AGAP1: variants seen among roughly 807,000 people sequenced by gnomAD.
The protein encoded by AGAP1 is arf-GAP with GTPase, ANK repeat and PH domain-containing protein 1.
A neutral mutation model predicts 105.3 loss-of-function variants in AGAP1; 29 were observed. That is an observed-to-expected ratio of 0.28 (90% confidence interval 0.21 to 0.38). AGAP1 has a LOEUF of 0.38. Among genes scored for constraint, AGAP1 ranks in the 10% least tolerant of loss-of-function variants. AGAP1 has a pLI of 1.00. For missense variants in AGAP1, 998 were observed against 1,165.1 expected (o/e 0.86, Z 2.09); for synonymous variants, 509 against 485.9 (o/e 1.05, Z -0.63).
chr2:235,644,941 A>C (rs1179207847), intron 1 of AGAP1, among the ~76,000 whole-genome samples: 1 of 151,390 alleles, frequency 6.6e-6, no homozygotes, highest in Non-Finnish European at 1.5e-5. Context: ...TGTCACCCAG[A>C]CTGGAGTGCA....
chr2:235,931,311 A>G lies in AGAP1; in HGVS notation c.1483+388A>G, dbSNP rs2052710377. Among the ~76,000 whole-genome samples the G allele has an allele frequency of 6.6e-6, 1 of 152,124 alleles. No homozygotes were observed. The highest frequency in any genetic ancestry group is 2.1e-4 in the South Asian group (1 of 4,824). The stretch of plus-strand genomic sequence containing the variant: ...GTGGCGTGGCCCACACTCTTCCACC[A>G]CTAGTGCACATTTTATATCATTAGG... On this transcript the variant is annotated intron_variant, in intron 12 of 17. Transcript: ENST00000304032. This position sits in a 1 kb window ranked among gnomAD's most constrained non-coding sequence, Gnocchi z 5.6.
At chr2:235,950,886 A>C (rs1178576560) in intron 12 of AGAP1, among the ~76,000 whole-genome samples, 5 of 111,704 alleles carry the variant, frequency 4.5e-5, no homozygotes, top group East Asian at 3.0e-4. Flanking sequence ...ATCTCCAAGC[A>C]CTTTTTTTTT....
In AGAP1 at chr2:236,116,487, T is replaced by G. The variant is rs567490339; in HGVS notation, c.2115-3705T>G. Among the ~76,000 whole-genome samples the G allele has an allele frequency of 3.2e-3, 491 of 151,956 alleles. 4 individuals are homozygous for G. The highest frequency in any genetic ancestry group is 0.01 in the African/African-American group (431 of 41,458). On this transcript the variant is annotated intron_variant, in intron 16 of 17. Coordinates refer to ENST00000304032, the MANE Select transcript of AGAP1 (RefSeq NM_001037131.3). ...GCATCAGCCTCCTGAGTAGCTGGGA[T>G]TACAGGCACCTGCCACCACACCGGC...
rs1040179477 is a variant in AGAP1, at chr2:235,660,468, G to A, written c.164-48711G>A. On this transcript the variant is annotated intron_variant, in intron 1 of 17. Transcript: ENST00000304032. The surrounding 1 kb of genome is among the most constrained non-coding windows in gnomAD (Gnocchi z 5.3). Reference sequence around the variant, plus strand: ...AGAAGTTGTCCTTAACTGAAGGAGGGGGTTCTATAAATGGAAGTGTCAGAG... The same window carrying A: ...AGAAGTTGTCCTTAACTGAAGGAGGAGGTTCTATAAATGGAAGTGTCAGAG... 2.0e-5 allele frequency among the ~76,000 whole-genome samples: 3 copies of A among 152,122 alleles called. No homozygotes were observed. The highest frequency in any genetic ancestry group is 7.2e-5 in the African/African-American group (3 of 41,418).
At position 236,061,714 on chromosome 2, in the gene AGAP1, T is replaced by A. The variant is rs1467359917; in HGVS notation, c.2114+12433T>A. ...TGCAGGGGAGGGAGGGGCAGTGGCG[T>A]ATACGGAGTGATTGCCTAATGAGTA... On this transcript the variant is annotated intron_variant, in intron 16 of 17. Transcript: ENST00000304032. The surrounding 1 kb of genome is among the most constrained non-coding windows in gnomAD (Gnocchi z 4.1). Among the ~76,000 whole-genome samples the A allele has an allele frequency of 1.3e-5, 2 of 151,522 alleles. No individual in the cohort carries two copies. The highest frequency in any genetic ancestry group is 1.5e-5 in the Non-Finnish European group (1 of 67,870).
chr2:235,860,754 C>CT (rs1483908120), intron 9 of AGAP1, among the ~76,000 whole-genome samples: 5 of 152,246 alleles, frequency 3.3e-5, no homozygotes, highest in South Asian at 2.1e-4. Flanking sequence ...TTCAGCCGTT[C>CT]TTTTTTGAGT....
At chr2:235,514,712 C>T (rs929257833) in intron 1 of AGAP1, among the ~76,000 whole-genome samples, 9 of 152,244 alleles carry the variant, frequency 5.9e-5, no homozygotes, top group African/African-American at 1.9e-4. Context: ...TTTGCTGTGA[C>T]GTGGGCTGCA....
rs1395947003 is a variant in AGAP1 at position 235,612,720 on chromosome 2, C to T, written c.164-96459C>T. On this transcript the variant is annotated intron_variant, in intron 1 of 17. Coordinates refer to ENST00000304032, the MANE Select transcript of AGAP1 (RefSeq NM_001037131.3). This position sits in a 1 kb window ranked among gnomAD's most constrained non-coding sequence, Gnocchi z 4.3. ...ACAGTGGTCCTTTTGCATGGGGTGGCCGGCCAGGTGTGCTGAGTGCCACCT... is the reference window on the plus strand; with the variant it reads ...ACAGTGGTCCTTTTGCATGGGGTGGTCGGCCAGGTGTGCTGAGTGCCACCT... Among the ~76,000 whole-genome samples, 4 of 150,942 alleles carry T rather than the reference C, an allele frequency of 2.7e-5. No homozygotes were observed. The highest frequency in any genetic ancestry group is 1.3e-4 in the Admixed American group (2 of 15,104).
rs971236248 is a variant in AGAP1 at position 235,705,118 on chromosome 2, A to G, written c.164-4061A>G. ...CTCAGCCTCCCGAGCAGCTGGGATT[A>G]CAATCATGTGCCACCACGCCTGGCT... On this transcript the variant is annotated intron_variant, in intron 1 of 17. Transcript: ENST00000304032. The surrounding 1 kb of genome is among the most constrained non-coding windows in gnomAD (Gnocchi z 4.9). 6.6e-6 allele frequency among the ~76,000 whole-genome samples: 1 copy of G among 151,952 alleles called. No homozygotes were observed. Among genetic ancestry groups the G allele is most frequent in the Non-Finnish European group, 1.5e-5 (1 of 67,974 alleles).
intron 9 of AGAP1, among the ~76,000 whole-genome samples, chr2:235,880,472 C>T (rs934554755): frequency 6.6e-6 from 1 of 151,944 alleles, no homozygotes; most frequent in East Asian, 1.9e-4. Flanking sequence ...AAAATGGGAG[C>T]CCACTGGAGA....
intron 1 of AGAP1, among the ~76,000 whole-genome samples, chr2:235,648,708 C>CAAA (rs200700617): frequency 1.5e-5 from 2 of 132,182 alleles, no homozygotes; most frequent in Admixed American, 7.6e-5. Context: ...CCCATCTCTA[C>CAAA]AAAAAAAAAA....
intron 1 of AGAP1, among the ~76,000 whole-genome samples, chr2:235,673,157 A>G (rs1274452648): frequency 6.6e-6 from 1 of 152,164 alleles, no homozygotes; most frequent in Non-Finnish European, 1.5e-5. Context: ...TATTCTTAGG[A>G]TTTTGGTGAT....
chr2:235,640,627 A>G (rs192475257), intron 1 of AGAP1, among the ~76,000 whole-genome samples: 28 of 152,182 alleles, frequency 1.8e-4, no homozygotes, highest in African/African-American at 6.7e-4. Flanking sequence ...TGCAGGAAAA[A>G]CCATGAATGG....
Position 235,701,850 on chromosome 2 carries a change from C to T in AGAP1, c.164-7329C>T, listed in dbSNP as rs1313091182. Among the ~76,000 whole-genome samples the T allele has an allele frequency of 2.6e-5, 4 of 152,114 alleles. No homozygotes were observed. Among genetic ancestry groups the T allele is most frequent in the Admixed American group, 1.3e-4 (2 of 15,264 alleles). On this transcript the variant is annotated intron_variant, in intron 1 of 17. Coordinates refer to ENST00000304032, the MANE Select transcript of AGAP1 (RefSeq NM_001037131.3). The surrounding 1 kb of genome is among the most constrained non-coding windows in gnomAD (Gnocchi z 4.1). The stretch of plus-strand genomic sequence containing the variant: ...GGCAGCCACAGCCTCCTCCGATGCT[C>T]CTCTCCTCTGTGGATGTACCATCTT...
At chr2:235,722,179 G>C (rs774272940) in intron 3 of AGAP1, among the ~76,000 whole-genome samples, 14 of 152,112 alleles carry the variant, frequency 9.2e-5, no homozygotes, top group Non-Finnish European at 1.8e-4. Flanking sequence ...GCACATCTGG[G>C]TGTGTAATAT....
At chr2:236,069,810 G>A (rs547128121) in intron 16 of AGAP1, among the ~76,000 whole-genome samples, 1 of 152,356 alleles carries the variant, frequency 6.6e-6, no homozygotes, top group African/African-American at 2.4e-5. Flanking sequence ...ATTGTTAATT[G>A]TGACACTTTC....
chr2:235,924,961 CTG>C lies in AGAP1; in HGVS notation c.1325-5803_1325-5802del, dbSNP rs1422281080. Among the ~76,000 whole-genome samples, 4 of 151,996 alleles carry C rather than the reference CTG, an allele frequency of 2.6e-5. No homozygotes were observed. In the East Asian group the frequency reaches 5.8e-4, roughly 22 times the overall value. ...TGTCCACACCCAGAGGAAGAAGAAA[CTG>C]AGGCCCGTGGAGAGCTGGCTGCCAG... On this transcript the variant is annotated intron_variant, in intron 11 of 17. Transcript: ENST00000304032.
rs1170589550 is a variant in AGAP1 at position 235,934,894 on chromosome 2, C to T, written c.1483+3971C>T. Among the ~76,000 whole-genome samples, 3 of 152,100 alleles carry T rather than the reference C, an allele frequency of 2.0e-5. No individual in the cohort carries two copies. Among genetic ancestry groups the T allele is most frequent in the Non-Finnish European group, 1.5e-5 (1 of 68,036 alleles). ...ACATTGGGATTCACTGTTTCTCCGC[C>T]CCCCGTCCACCCTAAATTAAGACTT... On this transcript the variant is annotated intron_variant, in intron 12 of 17. Coordinates refer to ENST00000304032, the MANE Select transcript of AGAP1 (RefSeq NM_001037131.3). The surrounding 1 kb of genome is among the most constrained non-coding windows in gnomAD (Gnocchi z 4.9).
intron 1 of AGAP1, among the ~76,000 whole-genome samples, chr2:235,698,691 G>A (rs1950114219): frequency 6.6e-6 from 1 of 152,182 alleles, no homozygotes; most frequent in Non-Finnish European, 1.5e-5. Flanking sequence ...GGAACCCCTG[G>A]CGGGAGGCCG....
Sources: allele counts gnomAD v4.1 joint callset (sites outside exome capture counted in the v4.1 genomes callset), GRCh38; gene constraint gnomAD v4.1.1; non-coding constraint Gnocchi (gnomAD v3.1); transcripts MANE v1.5; gene names NCBI Gene and HGNC (gene_info 2026-07-23, HGNC 2026-07-21).